TAFA5: variants seen among roughly 807,000 people sequenced by gnomAD.
The protein encoded by TAFA5 is TAFA chemokine like family member 5.
A neutral mutation model predicts 15.3 loss-of-function variants in TAFA5; 6 were observed. The ratio of observed to expected loss-of-function variants is 0.39; its 90% confidence interval spans 0.21 to 0.77. TAFA5 has a LOEUF of 0.77. Ranked by LOEUF, TAFA5 falls within the 30% of genes least tolerant of loss-of-function variation. The pLI is 0.41. For synonymous variants in TAFA5, 103 were observed against 80.7 expected (o/e 1.28, Z -1.48); for missense variants, 161 against 193.1 (o/e 0.83, Z 0.98).
At chr22:48,693,205 G>T in intron 2 of TAFA5, 1 of 1,269,022 alleles carries the variant, frequency 7.9e-7, no homozygotes. Context: ...CAGTGACGGG[G>T]CCTCACTCGT....
Position 48,669,840 on chromosome 22 carries a change from A to G in TAFA5, c.262+23094A>G, listed in dbSNP as rs377010060. 2.6e-4 allele frequency among the ~76,000 whole-genome samples: 39 copies of G among 152,364 alleles called. 1 individual carries two copies. The South Asian group carries it at 7.5e-3, about 29-fold the overall frequency. ...GACGTCAGTGCTTTCTGGCCCTCGC[A>G]TATGAAGGCTATTGCAAAGCTGAGA... is the stretch of plus-strand genomic sequence containing the variant. On this transcript the variant is annotated intron_variant, in intron 2 of 3. Transcript: ENST00000402357.
intron 1 of TAFA5, among the ~76,000 whole-genome samples, chr22:48,643,882 A>G (rs1043449213): frequency 1.3e-5 from 2 of 152,204 alleles, no homozygotes; most frequent in Non-Finnish European, 2.9e-5. Context: ...GCAGCCTGGA[A>G]TAGTGGAGTG....
chr22:48,610,230 G>C (rs1360371205), intron 1 of TAFA5, among the ~76,000 whole-genome samples: 1 of 152,088 alleles, frequency 6.6e-6, no homozygotes, highest in Non-Finnish European at 1.5e-5. Context: ...GCACGTTCCT[G>C]AGGGTACTGG....
chr22:48,739,358 G>A (rs28690151), intron 3 of TAFA5, among the ~76,000 whole-genome samples: 5,809 of 152,212 alleles, frequency 0.038, 277 homozygotes, highest in African/African-American at 0.12. Flanking sequence ...TTGAGACTGC[G>A]GTCTGGTTCT....
chr22:48,546,296 G>T (rs560629155), intron 1 of TAFA5, among the ~76,000 whole-genome samples: 1 of 152,324 alleles, frequency 6.6e-6, no homozygotes, highest in Admixed American at 6.5e-5. Flanking sequence ...TGACGGCATT[G>T]TCAGTCCTCA....
At chr22:48,739,748 G>A (rs772915852) in intron 3 of TAFA5, among the ~76,000 whole-genome samples, 6 of 152,220 alleles carry the variant, frequency 3.9e-5, no homozygotes, top group Admixed American at 6.5e-5. Flanking sequence ...CTGCCTCTCT[G>A]TGTTTGTCGT....
At chr22:48,534,184 C>T (rs940808005) in intron 1 of TAFA5, among the ~76,000 whole-genome samples, 1 of 141,186 alleles carries the variant, frequency 7.1e-6, no homozygotes, top group African/African-American at 2.6e-5. Flanking sequence ...TGAGGTGGGT[C>T]AAGCAGGTGG....
At chr22:48,734,562 TG>T (rs1230542503) in intron 3 of TAFA5, among the ~76,000 whole-genome samples, 6 of 152,260 alleles carry the variant, frequency 3.9e-5, no homozygotes, top group Non-Finnish European at 5.9e-5. Context: ...CTCTGGGCTT[TG>T]GGGCGGCCTG....
Position 48,701,410 on chromosome 22 carries a change from G to C in TAFA5, c.263-6307G>C, listed in dbSNP as rs376661885. ...GGACGTGGCACACCCTCTCCTGCAC[G>C]GGTCCACCCAGGTGCTGTGGGCCGC... On this transcript the variant is annotated intron_variant, in intron 2 of 3. Coordinates refer to ENST00000402357, the MANE Select transcript of TAFA5 (RefSeq NM_001082967.3). 1.2e-4 allele frequency among the ~76,000 whole-genome samples: 18 copies of C among 152,294 alleles called. No individual in the cohort carries two copies. In the South Asian group the frequency reaches 3.7e-3, roughly 32 times the overall value.
At chr22:48,727,452 T>G (rs1196409636) in intron 3 of TAFA5, among the ~76,000 whole-genome samples, 1 of 152,162 alleles carries the variant, frequency 6.6e-6, no homozygotes, top group Non-Finnish European at 1.5e-5. Context: ...ACATAAAAGC[T>G]ATCACAAATA....
intron 1 of TAFA5, among the ~76,000 whole-genome samples, chr22:48,572,340 C>T (rs1923619206): frequency 6.6e-6 from 1 of 152,202 alleles, no homozygotes; most frequent in South Asian, 2.1e-4. Flanking sequence ...TTACTGTATT[C>T]CCTGGGAATG....
At chr22:48,516,040 C>T (rs1439570524) in intron 1 of TAFA5, among the ~76,000 whole-genome samples, 2 of 152,106 alleles carry the variant, frequency 1.3e-5, no homozygotes, top group East Asian at 3.9e-4. Flanking sequence ...TCAGCACCCG[C>T]CGGCCTTGAC....
intron 1 of TAFA5, among the ~76,000 whole-genome samples, chr22:48,513,072 C>A (rs1921281132): frequency 6.6e-6 from 1 of 152,108 alleles, no homozygotes; most frequent in Non-Finnish European, 1.5e-5. Context: ...TCTGACACAG[C>A]CACTCTGGGG....
intron 3 of TAFA5, among the ~76,000 whole-genome samples, chr22:48,745,599 G>C (rs148696917): frequency 1.6e-3 from 248 of 151,860 alleles, no homozygotes; most frequent in African/African-American, 5.7e-3. Context: ...GCTCAGCCCT[G>C]TATTTTGGCG....
intron 1 of TAFA5, chr22:48,544,520 TCAAATGAGC>T: frequency 3.0e-5 from 11 of 368,400 alleles, no homozygotes; most frequent in Admixed American, 1.7e-4. Context: ...TGGGCTTTTT[TCAAATGAGC>T]TGCAGCACCA....
At chr22:48,577,975 T>C (rs929124868) in intron 1 of TAFA5, among the ~76,000 whole-genome samples, 2 of 152,168 alleles carry the variant, frequency 1.3e-5, no homozygotes, top group African/African-American at 2.4e-5. Context: ...AGTCATTGGG[T>C]CCAGGCAAGC....
chr22:48,581,955 C>T (rs942616588), intron 1 of TAFA5, among the ~76,000 whole-genome samples: 2 of 152,076 alleles, frequency 1.3e-5, no homozygotes, highest in Non-Finnish European at 2.9e-5. Flanking sequence ...AAACATGGAG[C>T]GAAGCACGCA....
At chr22:48,540,875 TAA>T (rs34844674) in intron 1 of TAFA5, among the ~76,000 whole-genome samples, 30 of 129,788 alleles carry the variant, frequency 2.3e-4, no homozygotes, top group Admixed American at 3.1e-4. Flanking sequence ...TCATTGACAG[TAA>T]AAAAAAAAAA....
Position 48,570,117 on chromosome 22 carries a change from C to T in TAFA5, c.113-76480C>T, listed in dbSNP as rs146792657. Among the ~76,000 whole-genome samples, 77 of 152,308 alleles carry T rather than the reference C, an allele frequency of 5.1e-4. 2 individuals are homozygous for T. In the East Asian group the frequency reaches 0.014, roughly 27 times the overall value. ...CCCATGCTGCATCTGCCCTGCCTTC[C>T]GGTCCACACTGGATGGATTCTGCCT... On this transcript the variant is annotated intron_variant, in intron 1 of 3. Transcript: ENST00000402357.
Sources: gnomAD v4.1 joint callset for allele counts (sites outside exome capture counted in the v4.1 genomes callset) on GRCh38, gnomAD v4.1.1 for gene constraint, MANE v1.5 for transcripts, NCBI Gene and HGNC (gene_info 2026-07-23, HGNC 2026-07-21) for gene names.